The following NCOR2 variants were observed in gnomAD, a reference collection of about 807,000 sequenced individuals.
NCOR2 encodes nuclear receptor corepressor 2, also known as CTG repeat protein 26.
A neutral mutation model predicts 262.9 loss-of-function variants in NCOR2; 81 were observed. That is an observed-to-expected ratio of 0.31 (90% confidence interval 0.26 to 0.37). The LOEUF is 0.37. Among genes scored for constraint, NCOR2 ranks in the 10% least tolerant of loss-of-function variants. NCOR2 has a pLI of 1.00. For synonymous variants in NCOR2, 1,659 were observed against 1,559.3 expected, an observed-to-expected ratio of 1.06 and a Z score of -1.51; for missense variants, 3,385 against 3,621.4, an observed-to-expected ratio of 0.93 and a Z score of 1.68.
At chr12:124,394,648 C>A (rs1450103772) in intron 16 of NCOR2, among the ~76,000 whole-genome samples, 1 of 152,194 alleles carries the variant, frequency 6.6e-6, no homozygotes, top group Non-Finnish European at 1.5e-5. Context: ...TGGTCATGAG[C>A]CAGGGACTGC....
At chr12:124,491,281 G>C (rs1159804345) in intron 1 of NCOR2, among the ~76,000 whole-genome samples, 3 of 152,248 alleles carry the variant, frequency 2.0e-5, no homozygotes, top group African/African-American at 7.2e-5. Flanking sequence ...TTACATTATT[G>C]ATTATATCAA....
chr12:124,349,098 A>T (rs2037199719), intron 28 of NCOR2, among the ~76,000 whole-genome samples: 1 of 152,166 alleles, frequency 6.6e-6, no homozygotes, highest in Non-Finnish European at 1.5e-5. Context: ...GTGTGCACGG[A>T]GAGGTGTGTG....
In NCOR2 at chr12:124,355,808, G is replaced by A. The variant is rs145307780; in HGVS notation, c.3242-237C>T. Among the ~76,000 whole-genome samples the A allele has an allele frequency of 3.0e-4, 45 of 152,244 alleles. No individual in the cohort carries two copies. The East Asian group carries it at 7.9e-3, about 27-fold the overall frequency. On this transcript the variant is annotated intron_variant, in intron 23 of 46. Coordinates refer to ENST00000405201, the Ensembl canonical transcript of NCOR2. Reference sequence around the variant, plus strand: ...CCACTGCCCAGGCCCTGATCCAAGCGCCCTCAACTCTCATCTGGATCCCCT... The same window carrying A: ...CCACTGCCCAGGCCCTGATCCAAGCACCCTCAACTCTCATCTGGATCCCCT...
chr12:124,403,171 G>A (rs2042074214), intron 13 of NCOR2, among the ~76,000 whole-genome samples: 1 of 152,164 alleles, frequency 6.6e-6, no homozygotes, highest in Non-Finnish European at 1.5e-5. Context: ...CTCCGAGTCT[G>A]TAAAACGGGG....
chr12:124,535,210 C>A (rs1028547000), intron 1 of NCOR2, among the ~76,000 whole-genome samples: 1 of 152,194 alleles, frequency 6.6e-6, no homozygotes, highest in African/African-American at 2.4e-5. Context: ...GCCAAACCTG[C>A]GGGCCCACCG....
chr12:124,348,627 G>T (rs1414691064), intron 28 of NCOR2: 1 of 425,750 alleles, frequency 2.3e-6, no homozygotes, highest in Non-Finnish European at 4.2e-6. Flanking sequence ...ACATGAGCAC[G>T]TGAGTCTGTG....
chr12:124,559,539 G>A (rs979523399), intron 1 of NCOR2, among the ~76,000 whole-genome samples: 1 of 152,236 alleles, frequency 6.6e-6, no homozygotes, highest in Admixed American at 6.5e-5. Flanking sequence ...TTCCTCCTAT[G>A]GAATGCTGGT....
chr12:124,366,544 CTA>C (rs1435707381), intron 20 of NCOR2, among the ~76,000 whole-genome samples: 5 of 152,088 alleles, frequency 3.3e-5, no homozygotes, highest in Non-Finnish European at 2.9e-5. Flanking sequence ...CAGGGTCTTG[CTA>C]TGTCACTCAG....
intron 20 of NCOR2, among the ~76,000 whole-genome samples, chr12:124,365,585 G>GACACAGA (rs1165207659): frequency 1.3e-5 from 2 of 152,232 alleles, no homozygotes; most frequent in Non-Finnish European, 1.5e-5. Context: ...CACACGCTCA[G>GACACAGA]CTGAGCGGGG....
chr12:124,452,876 A>AAGG (rs1321500817), intron 6 of NCOR2, among the ~76,000 whole-genome samples: 1 of 152,164 alleles, frequency 6.6e-6, no homozygotes, highest in Non-Finnish European at 1.5e-5. Flanking sequence ...GAAGGCCCCG[A>AAGG]AGGACTGAGG....
chr12:124,559,091 C>T (rs938214024), intron 1 of NCOR2, among the ~76,000 whole-genome samples: 4 of 152,216 alleles, frequency 2.6e-5, no homozygotes, highest in African/African-American at 9.6e-5. Flanking sequence ...CGCACAGACA[C>T]ATGCAGGCCA....
At chr12:124,431,092 CACAT>C (rs1323869892) in intron 8 of NCOR2, among the ~76,000 whole-genome samples, 2 of 146,712 alleles carry the variant, frequency 1.4e-5, no homozygotes, top group Admixed American at 6.6e-5. Flanking sequence ...TACAGGCACA[CACAT>C]ACAGTCAGAC....
intron 2 of NCOR2, 61 bp downstream of exon 4, chr12:124,486,380 C>T (rs948837627): frequency 3.5e-5 from 56 of 1,597,924 alleles, no homozygotes; most frequent in Middle Eastern, 3.3e-4. Flanking sequence ...CGGGCCTCTG[C>T]TTCTCCATCT....
At chr12:124,337,201 G>T (rs2035962571) in intron 37 of NCOR2, 21 bp from the exon 40 acceptor site, 2 of 1,547,218 alleles carry the variant, frequency 1.3e-6, no homozygotes, top group Non-Finnish European at 1.7e-6. Context: ...AGAGAAGGCG[G>T]TCAGGCAGTC....
intron 3 of NCOR2, among the ~76,000 whole-genome samples, chr12:124,474,871 G>A (rs1404821513): frequency 2.0e-5 from 3 of 152,110 alleles, no homozygotes; most frequent in Non-Finnish European, 4.4e-5. Context: ...AGCAGCGCCA[G>A]GCCACCACCT....
chr12:124,491,033 G>A (rs1019159799), intron 1 of NCOR2, among the ~76,000 whole-genome samples: 1 of 152,254 alleles, frequency 6.6e-6, no homozygotes, highest in Non-Finnish European at 1.5e-5. Context: ...AGGGCCCAAG[G>A]CCAAGGCAGC....
chr12:124,355,276 T>C, intron 24 of NCOR2, 156 bp downstream of exon 26: 1 of 885,936 alleles, frequency 1.1e-6, no homozygotes, highest in Non-Finnish European at 1.7e-6. Context: ...CCTGAGTGCC[T>C]GGGGCAGGAC....
At chr12:124,405,090 C>T (rs916583020) in intron 13 of NCOR2, among the ~76,000 whole-genome samples, 1 of 152,102 alleles carries the variant, frequency 6.6e-6, no homozygotes, top group Non-Finnish European at 1.5e-5. Flanking sequence ...TGCCAGCACG[C>T]CCCATCTACC....
At chr12:124,445,552 T>TG (rs2045106695) in intron 7 of NCOR2, among the ~76,000 whole-genome samples, 2 of 152,184 alleles carry the variant, frequency 1.3e-5, no homozygotes, top group South Asian at 4.1e-4. Flanking sequence ...GCAAGGTCTC[T>TG]GGGGAGGGAA....
Sources: allele counts gnomAD v4.1 joint callset (sites outside exome capture counted in the v4.1 genomes callset), GRCh38; gene constraint gnomAD v4.1.1; transcripts MANE v1.5; gene names NCBI Gene and HGNC (gene_info 2026-07-23, HGNC 2026-07-21).